The following FHOD3 variants were observed in gnomAD, a reference collection of about 807,000 sequenced individuals.
The protein encoded by FHOD3 is formin homology 2 domain containing 3.
Under a neutral mutation model 173.0 loss-of-function variants are expected in FHOD3, and 90 were observed. That is an observed-to-expected ratio of 0.52 (90% CI 0.44 to 0.62). FHOD3 has a LOEUF of 0.62. Among genes scored for constraint, FHOD3 ranks in the 20% least tolerant of loss-of-function variants. FHOD3 has a pLI of 0.00. For missense variants in FHOD3, 1,945 were observed against 2,034.7 expected (o/e 0.96, Z 0.85); for synonymous variants, 828 against 823.0 (o/e 1.01, Z -0.10).
At chr18:36,516,322 C>A (rs780744526) in intron 5 of FHOD3, among the ~76,000 whole-genome samples, 3 of 152,232 alleles carry the variant, frequency 2.0e-5, no homozygotes, top group Non-Finnish European at 4.4e-5. Context: ...GAAGACACAG[C>A]ACCCATGCAG....
chr18:36,547,792 G>T (rs952910507), intron 5 of FHOD3, among the ~76,000 whole-genome samples: 2 of 152,198 alleles, frequency 1.3e-5, no homozygotes, highest in African/African-American at 2.4e-5. Flanking sequence ...ACTGTGAGGC[G>T]CCTGGGTAGC....
intron 3 of FHOD3, among the ~76,000 whole-genome samples, chr18:36,416,203 T>A (rs2146982179): frequency 6.6e-6 from 1 of 152,218 alleles, no homozygotes; most frequent in African/African-American, 2.4e-5. Context: ...CAGCTAATTT[T>A]TTTGTATTTT....
chr18:36,340,995 C>T (rs931378377), intron 1 of FHOD3, among the ~76,000 whole-genome samples: 29 of 152,098 alleles, frequency 1.9e-4, no homozygotes, highest in Non-Finnish European at 3.8e-4. Context: ...TAGTCCTTTG[C>T]CTTCCTTTCT....
chr18:36,484,457 C>G (rs778164338), intron 3 of FHOD3, among the ~76,000 whole-genome samples: 1 of 152,058 alleles, frequency 6.6e-6, no homozygotes, highest in Non-Finnish European at 1.5e-5. Context: ...CTGACTTAGG[C>G]TGACTTTGCT....
At chr18:36,641,062 C>G (rs969123572) in intron 10 of FHOD3, among the ~76,000 whole-genome samples, 17 of 152,128 alleles carry the variant, frequency 1.1e-4, no homozygotes, top group African/African-American at 4.1e-4. Flanking sequence ...CAATCTTGCC[C>G]TTGGATCATG....
chr18:36,616,015 C>A (rs774150815), intron 9 of FHOD3, among the ~76,000 whole-genome samples: 2 of 152,198 alleles, frequency 1.3e-5, no homozygotes, highest in African/African-American at 2.4e-5. Flanking sequence ...CCCTGCCTCA[C>A]TCCCTCAGTT....
At chr18:36,620,195 A>G (rs1291728174) in intron 9 of FHOD3, among the ~76,000 whole-genome samples, 1 of 152,214 alleles carries the variant, frequency 6.6e-6, no homozygotes, top group African/African-American at 2.4e-5. Context: ...CTGTGGCCTC[A>G]TCTCCACCAT....
chr18:36,760,633 C>A lies in FHOD3; in HGVS notation c.4475C>A (p.Pro1492Gln). 1 of 1,587,958 alleles carries A rather than the reference C, an allele frequency of 6.3e-7. No homozygotes were observed. Among genetic ancestry groups the A allele is most frequent in the Non-Finnish European group, 8.6e-7 (1 of 1,164,954 alleles). ...VESGKFSGSS[P>Q]APPSQPQGLS... ...TCTGGCAAGTTCTCCGGCAGTTCTC[C>A]GGCGCCCCCAAGCCAGCCGCAGGGT... is the stretch of plus-strand genomic sequence containing the variant. Residue 1492 changes from proline (P) to glutamine (Q), a missense_variant, in exon 27 of 29, where the codon CCG becomes CAG. Pro to Gln is a moderately conservative substitution (Grantham distance 76, BLOSUM62 -1). This residue lies in a region of FHOD3 where 354 missense variants were observed against 359.9 expected (regional missense o/e 0.98). Coordinates refer to ENST00000590592, the MANE Select transcript of FHOD3 (RefSeq NM_001281740.3).
chr18:36,632,473 T>G (rs1209121482), intron 10 of FHOD3, among the ~76,000 whole-genome samples: 1 of 152,234 alleles, frequency 6.6e-6, no homozygotes, highest in African/African-American at 2.4e-5. Flanking sequence ...AAGTAGAATA[T>G]AAGTATTCTT....
intron 3 of FHOD3, among the ~76,000 whole-genome samples, chr18:36,440,499 G>A (rs775842902): frequency 1.3e-5 from 2 of 152,338 alleles, no homozygotes; most frequent in African/African-American, 2.4e-5. Flanking sequence ...CTGAGTCTGC[G>A]TTGGTCAAAT....
intron 5 of FHOD3, among the ~76,000 whole-genome samples, chr18:36,513,192 A>AAC (rs1199361663): frequency 2.0e-5 from 3 of 151,884 alleles, no homozygotes; most frequent in African/African-American, 7.2e-5. Flanking sequence ...AAAAAAAAAA[A>AAC]AAACAAATAA....
At position 36,576,439 on chromosome 18, in the gene FHOD3, TG is replaced by T. The variant is rs1568447867; in HGVS notation, c.512-11del. On this transcript the variant is annotated splice_polypyrimidine_tract_variant and intron_variant, in intron 5 of 28. Coordinates refer to ENST00000590592, the MANE Select transcript of FHOD3 (RefSeq NM_001281740.3). ...CATCTATAATGTCTCCTTTTTCTCT[TG>T]TTTTCTGTAGCTTTGGGCCAGATTA... The T allele has an allele frequency of 6.2e-7, 1 of 1,601,946 alleles. No homozygotes were observed. Among genetic ancestry groups the T allele is most frequent in the East Asian group, 2.2e-5 (1 of 44,766 alleles).
chr18:36,486,181 C>T (rs561188249), intron 3 of FHOD3, among the ~76,000 whole-genome samples: 16 of 152,298 alleles, frequency 1.1e-4, no homozygotes, highest in African/African-American at 3.4e-4. Context: ...CTGGCTCTCT[C>T]CTGGATGGTT....
chr18:36,606,056 G>C (rs1464507552), intron 8 of FHOD3, among the ~76,000 whole-genome samples: 2 of 152,188 alleles, frequency 1.3e-5, no homozygotes, highest in Non-Finnish European at 2.9e-5. Flanking sequence ...CTGGCTTAGG[G>C]TGTTCAGGGA....
At chr18:36,543,860 A>G (rs1364018828) in intron 5 of FHOD3, among the ~76,000 whole-genome samples, 1 of 152,246 alleles carries the variant, frequency 6.6e-6, no homozygotes, top group East Asian at 1.9e-4. Flanking sequence ...GTTTATGGAA[A>G]AAAGATCATA....
Position 36,446,700 on chromosome 18 carries a change from T to A in FHOD3, c.338-55232T>A, listed in dbSNP as rs547673730. 1.2e-3 allele frequency among the ~76,000 whole-genome samples: 188 copies of A among 152,318 alleles called. 1 individual carries two copies. Among genetic ancestry groups the A allele is most frequent in the Non-Finnish European group, 2.3e-3 (155 of 68,028 alleles). The stretch of plus-strand genomic sequence containing the variant: ...TGCACTGGCCAGTTCATACGCAAAC[T>A]TGGCTCGTGTTCTTGTTATCCCTCA... On this transcript the variant is annotated intron_variant, in intron 3 of 28. Transcript: ENST00000590592.
At chr18:36,653,482 T>C (rs1360006657) in intron 13 of FHOD3, 66 bp downstream of exon 13, 1 of 1,220,346 alleles carries the variant, frequency 8.2e-7, no homozygotes. Flanking sequence ...GTATGCATTT[T>C]TCTTTTCAAA....
In FHOD3 at chr18:36,769,399, A is replaced by G; in HGVS notation, c.4759A>G (p.Lys1587Glu). ...TCAGCGAGTGGTGCCGAGGGAGAGGAAACGATCCCGGGCCAACCGGAAATC... is the reference window on the plus strand; with the variant it reads ...TCAGCGAGTGGTGCCGAGGGAGAGGGAACGATCCCGGGCCAACCGGAAATC... Reference protein sequence around the residue: ...PSQRVVPRERKRSRANRKSLR... With the variant: ...PSQRVVPRERERSRANRKSLR... The change falls in exon 28 of 29, where the codon AAA (lysine) becomes GAA (glutamate). Residue 1587 changes from lysine (K) to glutamate (E), a missense_variant. Physicochemically the swap from Lys to Glu is moderately conservative, Grantham distance 56. This residue lies in a region of FHOD3 where 354 missense variants were observed against 359.9 expected (regional missense o/e 0.98). Transcript: ENST00000590592. 1 of 1,614,090 alleles carries G rather than the reference A, an allele frequency of 6.2e-7. No individual in the cohort carries two copies. Among genetic ancestry groups the G allele is most frequent in the Non-Finnish European group, 8.5e-7 (1 of 1,180,004 alleles).
chr18:36,568,810 C>G (rs532629892), intron 5 of FHOD3, among the ~76,000 whole-genome samples: 1 of 152,148 alleles, frequency 6.6e-6, no homozygotes, highest in Middle Eastern at 3.4e-3. Context: ...GGAGATAAGC[C>G]AAAATTACTT....
Sources: gnomAD v4.1 joint callset for allele counts (sites outside exome capture counted in the v4.1 genomes callset) on GRCh38, gnomAD v4.1.1 for gene constraint, gnomAD v4.1.1 regional missense constraint, MANE v1.5 for transcripts, NCBI Gene and HGNC (gene_info 2026-07-23, HGNC 2026-07-21) for gene names.